Variants in ME1 observed in about 807,000 individuals in gnomAD.
ME1 encodes the protein malic enzyme 1, also known as NADP-dependent malic enzyme.
In ME1, 74 loss-of-function variants were observed where a neutral mutation model predicts 66.4. The observed-to-expected ratio is 1.11, with a 90% CI of 0.92 to 1.35. The LOEUF is 1.35. Among genes scored for constraint, ME1 ranks in the 40% most tolerant of loss-of-function variants. The pLI is 0.00. For missense variants in ME1, 750 were observed against 694.1 expected (o/e 1.08, Z -0.90); for synonymous variants, 251 against 235.6 (o/e 1.07, Z -0.60).
intron 3 of ME1, 37 bp downstream of exon 3, chr6:83,398,328 TAA>T: frequency 7.0e-7 from 1 of 1,422,658 alleles, no homozygotes; most frequent in Non-Finnish European, 9.5e-7. Flanking sequence ...CAAAAATAAA[TAA>T]AGACACAAGT....
At chr6:83,403,555 A>G (rs1286275606) in intron 2 of ME1, among the ~76,000 whole-genome samples, 1 of 152,162 alleles carries the variant, frequency 6.6e-6, no homozygotes, top group East Asian at 1.9e-4. Flanking sequence ...TTACATAGGT[A>G]TACATGTGCC....
chr6:83,225,904 C>T lies in ME1; in HGVS notation c.1275+1431G>A, dbSNP rs185211942. Among the ~76,000 whole-genome samples, 8 of 150,594 alleles carry T rather than the reference C, an allele frequency of 5.3e-5. No homozygotes were observed. In the East Asian group the frequency reaches 1.4e-3, roughly 26 times the overall value. On this transcript the variant is annotated intron_variant, in intron 11 of 13. Transcript: ENST00000369705. ...ATCACCATATTTTAAGGAGAAATGT[C>T]ATTAAATAAATGACAGTACTGTAGC...
intron 7 of ME1, among the ~76,000 whole-genome samples, chr6:83,244,726 G>A (rs1790586447): frequency 6.6e-6 from 1 of 152,026 alleles, no homozygotes; most frequent in Admixed American, 6.6e-5. Context: ...ATGTATTGAG[G>A]TCGTGTGGAA....
chr6:83,332,473 C>T (rs1457074869), intron 5 of ME1, among the ~76,000 whole-genome samples: 2 of 152,212 alleles, frequency 1.3e-5, no homozygotes, highest in East Asian at 3.8e-4. Context: ...TATCACAGCA[C>T]AATCCACAAT....
intron 5 of ME1, among the ~76,000 whole-genome samples, chr6:83,315,811 C>A (rs1243147505): frequency 5.9e-5 from 9 of 152,052 alleles, no homozygotes; most frequent in Admixed American, 3.3e-4. Flanking sequence ...GCAGAAGAAT[C>A]ACTTGAACCT....
chr6:83,407,026 G>A (rs927626465), intron 2 of ME1, among the ~76,000 whole-genome samples: 6 of 147,020 alleles, frequency 4.1e-5, no homozygotes, highest in Non-Finnish European at 7.4e-5. Flanking sequence ...CTGCTTCTTC[G>A]GAGAACCCTG....
At chr6:83,317,890 G>A (rs1014505954) in intron 5 of ME1, among the ~76,000 whole-genome samples, 1 of 152,032 alleles carries the variant, frequency 6.6e-6, no homozygotes, top group Non-Finnish European at 1.5e-5. Flanking sequence ...CACACTACCT[G>A]ACTTCAAACT....
At chr6:83,261,950 G>A (rs959714116) in intron 6 of ME1, among the ~76,000 whole-genome samples, 1 of 147,404 alleles carries the variant, frequency 6.8e-6, no homozygotes, top group Non-Finnish European at 1.5e-5. Flanking sequence ...GGTGGTGGAG[G>A]TTGCAGTGAG....
intron 4 of ME1, among the ~76,000 whole-genome samples, chr6:83,350,103 A>T (rs1465136463): frequency 6.6e-6 from 1 of 152,204 alleles, no homozygotes; most frequent in Non-Finnish European, 1.5e-5. Flanking sequence ...AATTGCCTTT[A>T]TTTCATGGGT....
chr6:83,285,691 C>G (rs183902000), intron 6 of ME1, among the ~76,000 whole-genome samples: 34 of 152,202 alleles, frequency 2.2e-4, no homozygotes, highest in Admixed American at 1.8e-3. Flanking sequence ...AAGCAAAGAC[C>G]CTGAGGTGGG....
At chr6:83,384,083 C>A (rs939525296) in intron 3 of ME1, among the ~76,000 whole-genome samples, 2 of 151,746 alleles carry the variant, frequency 1.3e-5, no homozygotes, top group Non-Finnish European at 2.9e-5. Flanking sequence ...TGGTGGGCAT[C>A]TAGGTTGATT....
chr6:83,253,981 A>C (rs1241223889), intron 6 of ME1, among the ~76,000 whole-genome samples: 1 of 152,142 alleles, frequency 6.6e-6, no homozygotes, highest in Non-Finnish European at 1.5e-5. Flanking sequence ...CCCTTTCCTT[A>C]AGGAATTTAA....
intron 5 of ME1, among the ~76,000 whole-genome samples, chr6:83,320,813 T>C (rs1019740455): frequency 6.6e-6 from 1 of 152,104 alleles, no homozygotes; most frequent in Non-Finnish European, 1.5e-5. Context: ...ATGAACAAGA[T>C]AGAGATTCTG....
rs1454882011 is a variant in ME1 at position 83,211,745 on chromosome 6, A to G, written c.*179T>C. 9.2e-6 allele frequency: 4 copies of G among 436,446 alleles called. No individual in the cohort carries two copies. Among genetic ancestry groups the G allele is most frequent in the Non-Finnish European group, 1.6e-5 (4 of 255,156 alleles). The allele number at this position is 436,446 out of a possible 1,614,324, so 27.0% of individuals were successfully genotyped here. On this transcript the variant is annotated 3_prime_UTR_variant, in exon 14 of 14. Coordinates refer to ENST00000369705, the MANE Select transcript of ME1 (RefSeq NM_002395.6). ...AATAACCAGAAGGCAAAGTGAAGCA[A>G]AATTGTCTCATGTGATGTTTATCCC...
intron 6 of ME1, among the ~76,000 whole-genome samples, chr6:83,292,858 C>T (rs1767529725): frequency 6.6e-6 from 1 of 152,132 alleles, no homozygotes; most frequent in Admixed American, 6.5e-5. Context: ...TGGTGGACGC[C>T]CCTCCCGCCG....
chr6:83,289,756 T>C (rs1183896043), intron 6 of ME1, among the ~76,000 whole-genome samples: 5 of 152,204 alleles, frequency 3.3e-5, no homozygotes, highest in Non-Finnish European at 5.9e-5. Context: ...TGAATCCATC[T>C]GGTCCTCGAC....
chr6:83,246,173 G>A (rs943452217), intron 7 of ME1, among the ~76,000 whole-genome samples: 4 of 152,116 alleles, frequency 2.6e-5, no homozygotes, highest in Non-Finnish European at 5.9e-5. Flanking sequence ...ACTAATGGAA[G>A]TAAAAAGCTT....
chr6:83,295,524 T>C (rs1264954136), intron 6 of ME1, among the ~76,000 whole-genome samples: 1 of 152,162 alleles, frequency 6.6e-6, no homozygotes, highest in Non-Finnish European at 1.5e-5. Context: ...TTTTTTTTTC[T>C]TTGAGATGAA....
chr6:83,242,937 G>A (rs1247668734), intron 7 of ME1, among the ~76,000 whole-genome samples: 1 of 152,056 alleles, frequency 6.6e-6, no homozygotes, highest in Admixed American at 6.6e-5. Flanking sequence ...TAAAGGAGAG[G>A]GTGAAAACAG....
Sources: gnomAD v4.1 joint callset for allele counts (sites outside exome capture counted in the v4.1 genomes callset) on GRCh38, gnomAD v4.1.1 for gene constraint, MANE v1.5 for transcripts, NCBI Gene and HGNC (gene_info 2026-07-23, HGNC 2026-07-21) for gene names.